The following MAGI2 variants were observed in gnomAD, a reference collection of about 807,000 sequenced individuals.
MAGI2 encodes the protein membrane-associated guanylate kinase, WW and PDZ domain-containing protein 2.
Under a neutral mutation model 133.3 loss-of-function variants are expected in MAGI2, and 35 were observed. The ratio of observed to expected loss-of-function variants is 0.26; its 90% CI spans 0.20 to 0.35. The LOEUF is 0.35. Ranked by LOEUF, MAGI2 falls within the 10% of genes least tolerant of loss-of-function variation. MAGI2 has a pLI of 1.00. For missense variants in MAGI2, 1,636 were observed against 1,863.4 expected, an observed-to-expected ratio of 0.88 and a Z score of 2.25; for synonymous variants, 729 against 710.6, an observed-to-expected ratio of 1.03 and a Z score of -0.41.
At chr7:78,607,000 C>G (rs1805885104) in intron 3 of MAGI2, among the ~76,000 whole-genome samples, 4 of 152,148 alleles carry the variant, frequency 2.6e-5, no homozygotes, top group Admixed American at 1.3e-4. Context: ...TGGCAAGCCC[C>G]TGGATATTAA....
chr7:78,329,706 C>T (rs1371773201), intron 9 of MAGI2, among the ~76,000 whole-genome samples: 1 of 152,022 alleles, frequency 6.6e-6, no homozygotes, highest in Non-Finnish European at 1.5e-5. Context: ...GTTACCATAA[C>T]AAAAATGGAG....
chr7:78,856,859 C>T (rs1793690925), intron 2 of MAGI2, among the ~76,000 whole-genome samples: 1 of 152,144 alleles, frequency 6.6e-6, no homozygotes, highest in Non-Finnish European at 1.5e-5. Flanking sequence ...GCCATTTTCA[C>T]AATATTGATC....
chr7:78,759,893 C>A (rs1824311763), intron 2 of MAGI2, among the ~76,000 whole-genome samples: 1 of 151,822 alleles, frequency 6.6e-6, no homozygotes, highest in South Asian at 2.1e-4. Context: ...CTTTGGGAGG[C>A]CAAGTGGGCG....
chr7:78,573,203 T>TAA (rs1801757605), intron 3 of MAGI2, among the ~76,000 whole-genome samples: 1 of 87,136 alleles, frequency 1.1e-5, no homozygotes, highest in Non-Finnish European at 2.1e-5. Flanking sequence ...TATATATATA[T>TAA]AAATATATAT....
At chr7:78,307,057 T>A (rs1245347051) in intron 9 of MAGI2, among the ~76,000 whole-genome samples, 2 of 152,158 alleles carry the variant, frequency 1.3e-5, no homozygotes, top group African/African-American at 4.8e-5. Flanking sequence ...TAATCATTAG[T>A]CAACGTAAGT....
Position 78,442,654 on chromosome 7 carries a change from C to T in MAGI2, c.1045+47107G>A, listed in dbSNP as rs372613089. ...AACTTGTAATATTTATTTGCTCTCTCGGCTGTGATTTTAATCCCCTAAATA... is the reference window on the plus strand; with the variant it reads ...AACTTGTAATATTTATTTGCTCTCTTGGCTGTGATTTTAATCCCCTAAATA... On this transcript the variant is annotated intron_variant, in intron 6 of 21. Transcript: ENST00000354212. Among the ~76,000 whole-genome samples, 19 of 152,238 alleles carry T rather than the reference C, an allele frequency of 1.2e-4. No homozygotes were observed. The East Asian group carries it at 2.5e-3, about 20-fold the overall frequency.
chr7:78,544,945 C>T (rs1429543241), intron 3 of MAGI2, among the ~76,000 whole-genome samples: 1 of 151,704 alleles, frequency 6.6e-6, no homozygotes, highest in Non-Finnish European at 1.5e-5. Context: ...AGGCGTGAGC[C>T]ACCGCACCTG....
intron 6 of MAGI2, among the ~76,000 whole-genome samples, chr7:78,406,987 A>G (rs1366548039): frequency 6.6e-6 from 1 of 152,104 alleles, no homozygotes; most frequent in Non-Finnish European, 1.5e-5. Flanking sequence ...GCACAAAAAA[A>G]GCCCAAAAAA....
chr7:78,362,432 C>G (rs551436275), intron 7 of MAGI2, among the ~76,000 whole-genome samples: 131 of 152,084 alleles, frequency 8.6e-4, no homozygotes, highest in African/African-American at 3.1e-3. Flanking sequence ...TACAGAGGGT[C>G]GGGGAGGTAA....
chr7:78,662,414 A>T (rs972303011), intron 2 of MAGI2, among the ~76,000 whole-genome samples: 1 of 152,154 alleles, frequency 6.6e-6, no homozygotes, highest in African/African-American at 2.4e-5. Flanking sequence ...CAATCGAAAC[A>T]CTAGCACTTC....
intron 7 of MAGI2, 64 bp from the exon 8 acceptor site, chr7:78,346,107 T>A: frequency 6.3e-7 from 1 of 1,578,074 alleles, no homozygotes. Flanking sequence ...ACCATATGTA[T>A]GGCTCTATGG....
At chr7:78,365,637 A>G (rs1474553196) in intron 7 of MAGI2, among the ~76,000 whole-genome samples, 3 of 152,342 alleles carry the variant, frequency 2.0e-5, no homozygotes, top group South Asian at 4.1e-4. Context: ...CTAAGCACTC[A>G]ATAAAGGTTA....
chr7:78,667,706 C>T (rs1353406449), intron 2 of MAGI2, among the ~76,000 whole-genome samples: 2 of 151,954 alleles, frequency 1.3e-5, no homozygotes, highest in African/African-American at 2.4e-5. Flanking sequence ...CATGTCCCTA[C>T]AAAGGACATG....
Position 78,343,574 on chromosome 7 carries a change from AG to A in MAGI2, c.1408+203del, listed in dbSNP as rs1255054273. Among the ~76,000 whole-genome samples, 8 of 152,350 alleles carry A rather than the reference AG, an allele frequency of 5.3e-5. No homozygotes were observed. The East Asian group carries it at 1.5e-3, about 29-fold the overall frequency. On this transcript the variant is annotated intron_variant, in intron 9 of 21. Transcript: ENST00000354212. ...AACAGAAGGGGTAGTTTAAAAAAGAAGGCAAAAATTATATTCAAAATTGTTT... is the reference window on the plus strand; with the variant it reads ...AACAGAAGGGGTAGTTTAAAAAAGAAGCAAAAATTATATTCAAAATTGTTT...
At chr7:78,068,660 G>A (rs969957398) in intron 21 of MAGI2, among the ~76,000 whole-genome samples, 3 of 152,170 alleles carry the variant, frequency 2.0e-5, no homozygotes, top group African/African-American at 7.2e-5. Context: ...CTGGAAATGA[G>A]GGGTTTAGAG....
At chr7:78,373,081 C>A (rs10230410) in intron 6 of MAGI2, among the ~76,000 whole-genome samples, 116,643 of 152,012 alleles carry the variant, frequency 0.77, 44,997 homozygotes, top group African/African-American at 0.83. Context: ...CCTCAGCCTT[C>A]TGAGTACCTG....
chr7:78,160,371 A>C (rs1824855857), intron 15 of MAGI2, 98 bp from the exon 16 acceptor site: 2 of 1,264,514 alleles, frequency 1.6e-6, no homozygotes, highest in Non-Finnish European at 2.1e-6. Flanking sequence ...TGGTATTGTT[A>C]CAAGACTGGT....
chr7:78,179,349 G>C (rs555776910), intron 13 of MAGI2, among the ~76,000 whole-genome samples: 63 of 152,330 alleles, frequency 4.1e-4, no homozygotes, highest in Non-Finnish European at 6.8e-4. Flanking sequence ...GTTGTAGAGA[G>C]AGGCTCATTG....
chr7:78,400,707 G>A (rs991144312), intron 6 of MAGI2, among the ~76,000 whole-genome samples: 3 of 152,138 alleles, frequency 2.0e-5, no homozygotes, highest in African/African-American at 7.2e-5. Context: ...GGTCCATCAT[G>A]ATATTTTTAG....
Sources: gnomAD v4.1 joint callset for allele counts (sites outside exome capture counted in the v4.1 genomes callset) on GRCh38, gnomAD v4.1.1 for gene constraint, MANE v1.5 for transcripts, NCBI Gene and HGNC (gene_info 2026-07-23, HGNC 2026-07-21) for gene names.